The following ASB6 variants were observed in gnomAD, a reference collection of about 807,000 sequenced individuals.
ASB6 encodes the protein ankyrin repeat and SOCS box containing 6, also known as ankyrin repeat and SOCS box protein 6.
ASB6 carries 24 observed loss-of-function variants against 28.6 expected under a neutral mutation model. The observed-to-expected ratio is 0.84, with a 90% confidence interval of 0.61 to 1.18. The LOEUF (loss-of-function observed/expected upper bound fraction) is 1.18. Among genes scored for constraint, ASB6 ranks in the 50% most tolerant of loss-of-function variants. The probability of loss-of-function intolerance (pLI) is 0.00; values close to 1 mark genes in which losing one functional copy is unlikely to be tolerated. For synonymous variants in ASB6, 267 were observed against 243.4 expected (o/e 1.10, Z -0.90); for missense variants, 519 against 559.8 (o/e 0.93, Z 0.74).
In ASB6 at chr9:129,637,933, G is replaced by A; in HGVS notation, c.1123C>T (p.Leu375Phe). The stretch of plus-strand genomic sequence containing the variant: ...ATGGCCACACGGCACAGGTGCTTGA[G>A]GGGCGGGGGATAGCTCTCCAGCTGC... Reference protein sequence around the residue: ...LRQLESYPPPLKHLCRVAIRL... With the variant: ...LRQLESYPPPFKHLCRVAIRL... The change falls in exon 6 of 6, where the codon CTC becomes TTC. Residue 375 changes from leucine to phenylalanine, a missense_variant. Coordinates refer to ENST00000277458, the MANE Select transcript of ASB6 (RefSeq NM_017873.4). 4 of 1,592,648 alleles carry A rather than the reference G, an allele frequency of 2.5e-6. No individual in the cohort carries two copies. The highest frequency in any genetic ancestry group is 3.4e-6 in the Non-Finnish European group (4 of 1,168,630).
rs1232225711 is a variant in ASB6, at chr9:129,635,998, T to TA, written c.*1791dup. The TA allele has an allele frequency of 1.3e-5, 2 of 153,674 alleles. No homozygotes were observed. Among genetic ancestry groups the TA allele is most frequent in the Admixed American group, 6.5e-5 (1 of 15,390 alleles). The allele number at this position is 153,674 out of a possible 1,614,324, so 9.5% of individuals were successfully genotyped here. Reference sequence around the variant, plus strand: ...CTTGGCAGTGGAGACCTGGGGCCCTTAAAGTGTTACAACAGCCTGCAGCAA... The same window carrying TA: ...CTTGGCAGTGGAGACCTGGGGCCCTTAAAAGTGTTACAACAGCCTGCAGCAA... On this transcript the variant is annotated 3_prime_UTR_variant, in exon 6 of 6. Transcript: ENST00000277458.
Position 129,638,111 on chromosome 9 carries a change from T to C in ASB6, c.945A>G (p.Glu315=), listed in dbSNP as rs1831601167. 3.1e-6 allele frequency: 5 copies of C among 1,614,086 alleles called. No homozygotes were observed. The African/African-American group carries it at 5.3e-5, about 17-fold the overall frequency. The part of the protein sequence containing the change: ...ERLCSHPGCT[E]DESHADLLRK... ...GCAGGAGGTCCGCATGGCTCTCGTC[T>C]TCCGTGCAGCCTGGGTGGGAACAGA... Residue 315 remains glutamate (E), a synonymous_variant, in exon 6 of 6, where the codon GAA becomes GAG. Coordinates refer to ENST00000277458, the MANE Select transcript of ASB6 (RefSeq NM_017873.4).
At chr9:129,640,811 C>A in intron 1 of ASB6, 89 bp from the exon 2 acceptor site, 1 of 1,479,590 alleles carries the variant, frequency 6.8e-7, no homozygotes, top group South Asian at 1.2e-5. Context: ...GTCCTGCTAT[C>A]ATCATCAGCA....
intron 4 of ASB6, 58 bp from the exon 5 acceptor site, chr9:129,638,717 A>C (rs918523848): frequency 1.4e-6 from 2 of 1,415,072 alleles, no homozygotes; most frequent in Non-Finnish European, 2.0e-6. Flanking sequence ...GGTCAGGGCA[A>C]CCCAGAGGAG....
At position 129,641,980 on chromosome 9, in the gene ASB6, A is replaced by G. The variant is rs1225092074; in HGVS notation, c.20T>C (p.Phe7Ser). Reference sequence around the variant, plus strand: ...CTGGTACTCGAAGATGATCCTCCGGAAGCCGTGCAGGAACGGCATCGCCGC... The same window carrying G: ...CTGGTACTCGAAGATGATCCTCCGGGAGCCGTGCAGGAACGGCATCGCCGC... MPFLHGFRRIIFEYQPL... is the reference protein window; with the variant it reads MPFLHGSRRIIFEYQPL... The change falls in exon 1 of 6, where the codon TTC (phenylalanine) becomes TCC (serine). Residue 7 changes from phenylalanine to serine, a missense_variant. Phe to Ser is a radical substitution (Grantham distance 155). Transcript: ENST00000277458. The G allele has an allele frequency of 2.5e-6, 4 of 1,601,352 alleles. No homozygotes were observed. Among genetic ancestry groups the G allele is most frequent in the Admixed American group, 1.7e-5 (1 of 59,020 alleles).
intron 5 of ASB6, 23 bp from the exon 6 acceptor site, chr9:129,638,480 G>A (rs759185860): frequency 1.2e-6 from 2 of 1,608,348 alleles, no homozygotes; most frequent in Admixed American, 3.3e-5. Context: ...TAGAACAAGA[G>A]ATGCTGGGAG....
rs566366093 is a variant in ASB6, at chr9:129,635,717, G to C, written c.*2073C>G. Reference sequence around the variant, plus strand: ...CTGCGAGATGGGATTGGGTGGAAGGGGCTCCAGGGCTCCTGGTGCTCCCCA... The same window carrying C: ...CTGCGAGATGGGATTGGGTGGAAGGCGCTCCAGGGCTCCTGGTGCTCCCCA... On this transcript the variant is annotated 3_prime_UTR_variant, in exon 6 of 6. Transcript: ENST00000277458. The C allele has an allele frequency of 2.2e-4, 100 of 456,054 alleles. No individual in the cohort carries two copies. The East Asian group carries it at 3.9e-3, about 18-fold the overall frequency. The allele number at this position is 456,054 out of a possible 1,614,324, so 28.3% of individuals were successfully genotyped here.
rs145444758 is a variant in ASB6, at chr9:129,635,773, G to A, written c.*2017C>T. The A allele has an allele frequency of 1.7e-5, 5 of 288,000 alleles. No homozygotes were observed. Among genetic ancestry groups the A allele is most frequent in the African/African-American group, 2.2e-5 (1 of 45,558 alleles). 17.8% of individuals were successfully genotyped at this position (288,000 alleles called of 1,614,324 possible). A position where few individuals can be genotyped will look rare whatever the true frequency, so the allele number is the denominator to read the frequency against. On this transcript the variant is annotated 3_prime_UTR_variant, in exon 6 of 6. Transcript: ENST00000277458. ...GAATAGGGTGGCCACATCAGTAACC[G>A]ATTCCCTGGGCCTCCAGCCCGGCCT...
At position 129,639,304 on chromosome 9, in the gene ASB6, C is replaced by A. The variant is rs747615161; in HGVS notation, c.409G>T (p.Glu137Ter). ...CTGGCCAGGTCCAAGGGGCTACTCT[C>A]GTGGATCTGAGCCAAGGAAGCACAG... ...ADVNRRDRIH[E>*]SSPLDLASEE... is the part of the protein sequence containing the mutation. The change falls in exon 4 of 6, where the codon GAG becomes TAG. Residue 137 changes from glutamate to a stop codon, truncating the protein, a stop_gained. Transcript: ENST00000277458. LOFTEE classifies it high-confidence loss of function. The A allele has an allele frequency of 6.2e-7, 1 of 1,611,202 alleles. No homozygotes were observed. Among genetic ancestry groups the A allele is most frequent in the Non-Finnish European group, 8.5e-7 (1 of 1,178,114 alleles).
chr9:129,638,158 A>G lies in ASB6; in HGVS notation c.898T>C (p.Phe300Leu). The part of the protein sequence containing the change: ...SLHGASCWSG[F>L]HIIFERLCSH... ...CAGAGCCTCTCAAAGATGATGTGAA[A>G]GCCAGACCAGCAGGACGCACCGTGC... is the stretch of plus-strand genomic sequence containing the variant. Residue 300 changes from phenylalanine (F) to leucine (L), a missense_variant, in exon 6 of 6, where the codon TTT becomes CTT. Phe to Leu is a conservative substitution (Grantham distance 22). Transcript: ENST00000277458. The G allele has an allele frequency of 6.2e-7, 1 of 1,613,966 alleles. No individual in the cohort carries two copies. The highest frequency in any genetic ancestry group is 1.1e-5 in the South Asian group (1 of 91,072).
Position 129,635,395 on chromosome 9 carries a change from C to T in ASB6, c.*2395G>A. The stretch of plus-strand genomic sequence containing the variant: ...TCATCTGCAGTGCAGGCCTCAGCCT[C>T]CTGGCCGAGGAGAGGCAGGAGAACC... On this transcript the variant is annotated 3_prime_UTR_variant, in exon 6 of 6. Transcript: ENST00000277458. 6.2e-7 allele frequency: 1 copy of T among 1,613,584 alleles called. No homozygotes were observed. Among genetic ancestry groups the T allele is most frequent in the Non-Finnish European group, 8.5e-7 (1 of 1,179,908 alleles).
Position 129,634,652 on chromosome 9 carries a change from C to T in ASB6, c.*3138G>A, listed in dbSNP as rs1246749387. ...TTAATAAGATGAATAGTTTAAGCTT[C>T]GTGTCTAGCCCTGCACCCTCTTAGC... is the stretch of plus-strand genomic sequence containing the variant. On this transcript the variant is annotated 3_prime_UTR_variant, in exon 6 of 6. Transcript: ENST00000277458. 6 of 249,572 alleles carry T rather than the reference C, an allele frequency of 2.4e-5. No homozygotes were observed. Among genetic ancestry groups the T allele is most frequent in the African/African-American group, 9.1e-5 (4 of 44,088 alleles). The allele number at this position is 249,572 out of a possible 1,614,324, so 15.5% of individuals were successfully genotyped here.
At position 129,638,419 on chromosome 9, in the gene ASB6, CTG is replaced by C. The variant is rs754053598; in HGVS notation, c.635_636del (p.Thr212SerfsTer11). On this transcript the variant is annotated frameshift_variant, in exon 6 of 6. Transcript: ENST00000277458. LOFTEE classifies it high-confidence loss of function. ...AGCAGGAAGATGATGCAGGTGAACA[CTG>C]TGTCCCCATCTTTGGTGGTGGCCTT... is the stretch of plus-strand genomic sequence containing the variant. ...DVKATTKDGD[T>X]VFTCIIFLLG... The C allele has an allele frequency of 5.0e-6, 8 of 1,613,020 alleles. No individual in the cohort carries two copies. The highest frequency in any genetic ancestry group is 1.7e-5 in the Admixed American group (1 of 59,974).
At position 129,637,780 on chromosome 9, in the gene ASB6, C is replaced by T. The variant is rs1291663207; in HGVS notation, c.*10G>A. 5 of 1,508,570 alleles carry T rather than the reference C, an allele frequency of 3.3e-6. No homozygotes were observed. The highest frequency in any genetic ancestry group is 4.4e-6 in the Non-Finnish European group (5 of 1,129,024). The allele number at this position is 1,508,570 out of a possible 1,614,324, so 93.4% of individuals were successfully genotyped here. On this transcript the variant is annotated 3_prime_UTR_variant, in exon 6 of 6. Transcript: ENST00000277458. ...TGCCCGTGTCCCCCGTTCCTGTAGCCTGAGACCTATCAGATGTCATCTTCC... is the reference window on the plus strand; with the variant it reads ...TGCCCGTGTCCCCCGTTCCTGTAGCTTGAGACCTATCAGATGTCATCTTCC...
In ASB6 at chr9:129,636,783, C is replaced by G. The variant is rs927907266; in HGVS notation, c.*1007G>C. On this transcript the variant is annotated 3_prime_UTR_variant, in exon 6 of 6. Transcript: ENST00000277458. ...TTGCAGGGACTTGGAAACAACCCCC[C>G]AAACACAGCATCCCCTCACACCTGC... 2 of 152,184 alleles carry G rather than the reference C, an allele frequency of 1.3e-5. No homozygotes were observed. Among genetic ancestry groups the G allele is most frequent in the Non-Finnish European group, 2.9e-5 (2 of 68,080 alleles). The allele number at this position is 152,184 out of a possible 1,614,324, so 9.4% of individuals were successfully genotyped here.
Position 129,635,794 on chromosome 9 carries a change from G to T in ASB6, c.*1996C>A, listed in dbSNP as rs557674962. 14 of 257,104 alleles carry T rather than the reference G, an allele frequency of 5.4e-5. No homozygotes were observed. The highest frequency in any genetic ancestry group is 9.0e-5 in the Non-Finnish European group (12 of 133,480). The allele number at this position is 257,104 out of a possible 1,614,324, so 15.9% of individuals were successfully genotyped here. A position where few individuals can be genotyped will look rare whatever the true frequency, so the allele number is the denominator to read the frequency against. On this transcript the variant is annotated 3_prime_UTR_variant, in exon 6 of 6. Transcript: ENST00000277458. ...AACCGATTCCCTGGGCCTCCAGCCC[G>T]GCCTTCCAGCCATGGGCCTGGCTGC...
In ASB6 at chr9:129,638,364, T is replaced by G. The variant is rs757400921; in HGVS notation, c.692A>C (p.Glu231Ala). 10 of 1,613,388 alleles carry G rather than the reference T, an allele frequency of 6.2e-6. No individual in the cohort carries two copies. Among genetic ancestry groups the G allele is most frequent in the Admixed American group, 1.7e-5 (1 of 60,008 alleles). The change falls in exon 6 of 6, where the codon GAG (glutamate) becomes GCG (alanine). Residue 231 changes from glutamate (E) to alanine (A), a missense_variant. Glu to Ala is a moderately radical substitution (Grantham distance 107). Transcript: ENST00000277458. ...GCAGAAGCGGTTGATCATCTGGGCC[T>G]CCTCTTTGTCCCCTCCCACGGTCTC... ...LGETVGGDKE[E>A]AQMINRFCFQ...
At chr9:129,641,807 C>T (rs779662328) in intron 1 of ASB6, 80 bp downstream of exon 1, 18 of 1,389,318 alleles carry the variant, frequency 1.3e-5, no homozygotes, top group African/African-American at 6.0e-5. Flanking sequence ...ACGCATCCAC[C>T]CCGCCCGGCT....
At chr9:129,640,473 G>A (rs1588151099) in intron 2 of ASB6, 68 bp downstream of exon 2, 1 of 1,537,262 alleles carries the variant, frequency 6.5e-7, no homozygotes. Flanking sequence ...CAAGGCTGGG[G>A]ACATGGGCGC....
Sources: gnomAD v4.1 joint callset for allele counts on GRCh38, gnomAD v4.1.1 for gene constraint, MANE v1.5 for transcripts, NCBI Gene and HGNC (gene_info 2026-07-23, HGNC 2026-07-21) for gene names.